RAB6B: variants seen among roughly 807,000 people sequenced by gnomAD.
RAB6B encodes the protein RAB6B, member RAS oncogene family.
A neutral mutation model predicts 31.2 loss-of-function variants in RAB6B; 7 were observed. The ratio of observed to expected loss-of-function variants is 0.22; its 90% CI spans 0.13 to 0.42. The LOEUF (loss-of-function observed/expected upper bound fraction) is 0.42, where lower values mean the gene tolerates loss of function less well. Ranked by LOEUF, RAB6B falls within the 10% of genes least tolerant of loss-of-function variation. RAB6B has a pLI of 1.00. For missense variants in RAB6B, 149 were observed against 280.6 expected, an observed-to-expected ratio of 0.53 and a Z score of 3.35; for synonymous variants, 105 against 104.9, an observed-to-expected ratio of 1.00 and a Z score of -0.01.
chr3:133,852,348 C>A (rs754441111), intron 2 of RAB6B, among the ~76,000 whole-genome samples: 1 of 152,176 alleles, frequency 6.6e-6, no homozygotes, highest in Non-Finnish European at 1.5e-5. Context: ...GGGTCTGTAT[C>A]ACAAATCATC....
chr3:133,872,458 C>T (rs1357405540), intron 1 of RAB6B, among the ~76,000 whole-genome samples: 1 of 152,266 alleles, frequency 6.6e-6, no homozygotes, highest in African/African-American at 2.4e-5. Context: ...TGAGGTACGG[C>T]CCCCAGGCCC....
At chr3:133,888,261 C>A (rs1936581769) in intron 1 of RAB6B, among the ~76,000 whole-genome samples, 1 of 152,224 alleles carries the variant, frequency 6.6e-6, no homozygotes, top group Non-Finnish European at 1.5e-5. Context: ...GAGCCTCTGC[C>A]TCCTGACCCA....
At chr3:133,857,415 C>G (rs558101973) in intron 2 of RAB6B, among the ~76,000 whole-genome samples, 1 of 125,278 alleles carries the variant, frequency 8.0e-6, no homozygotes. Context: ...ACCTAGGCCT[C>G]TTTTTGAAGG....
intron 2 of RAB6B, among the ~76,000 whole-genome samples, chr3:133,853,443 G>A (rs1008932196): frequency 6.6e-5 from 10 of 151,584 alleles, no homozygotes; most frequent in Middle Eastern, 3.4e-3. Flanking sequence ...CGCTCCACAG[G>A]CCCTTGGGAT....
intron 6 of RAB6B, among the ~76,000 whole-genome samples, chr3:133,835,440 GT>G (rs1358903300): frequency 1.3e-5 from 2 of 151,026 alleles, no homozygotes; most frequent in East Asian, 3.9e-4. Flanking sequence ...TGTGTCCTTG[GT>G]AAGGTGTGTG....
rs1470873342 is a variant in RAB6B at position 133,831,669 on chromosome 3, T to A, written c.563-2817A>T. On this transcript the variant is annotated intron_variant, in intron 7 of 7. Transcript: ENST00000285208. Reference sequence around the variant, plus strand: ...TGACTGGACCCATGTCTAAATAATGTCCCAGAAGGGGAAACTCACGGTTTC... The same window carrying A: ...TGACTGGACCCATGTCTAAATAATGACCCAGAAGGGGAAACTCACGGTTTC... 2.6e-5 allele frequency among the ~76,000 whole-genome samples: 4 copies of A among 152,160 alleles called. No homozygotes were observed. In the South Asian group the frequency reaches 6.2e-4, roughly 24 times the overall value.
At chr3:133,882,580 G>A (rs557180279) in intron 1 of RAB6B, among the ~76,000 whole-genome samples, 7 of 152,296 alleles carry the variant, frequency 4.6e-5, no homozygotes, top group South Asian at 2.1e-4. Context: ...AGACTAAAGC[G>A]CTCCTAGCTG....
chr3:133,887,122 A>C (rs1192406460), intron 1 of RAB6B, among the ~76,000 whole-genome samples: 1 of 152,148 alleles, frequency 6.6e-6, no homozygotes, highest in Non-Finnish European at 1.5e-5. Flanking sequence ...CTGCCCTCCC[A>C]GCTTACCCCT....
intron 1 of RAB6B, among the ~76,000 whole-genome samples, chr3:133,889,388 T>A (rs1197110552): frequency 2.5e-5 from 2 of 80,274 alleles, no homozygotes; most frequent in African/African-American, 9.6e-5. Context: ...GGTTATTTTG[T>A]TATATATATA....
At position 133,839,622 on chromosome 3, in the gene RAB6B, A is replaced by T. The variant is rs1362732114; in HGVS notation, c.290-5T>A. ...TCTGTTGGAAGGAGTTGAGATCTGG[A>T]GGCAGAAAGTGAGGATAAACTGAAA... On this transcript the variant is annotated splice_region_variant and splice_polypyrimidine_tract_variant and intron_variant, in intron 4 of 7. Coordinates refer to ENST00000285208, the MANE Select transcript of RAB6B (RefSeq NM_016577.4). 6.2e-7 allele frequency: 1 copy of T among 1,604,940 alleles called. No homozygotes were observed. Among genetic ancestry groups the T allele is most frequent in the Non-Finnish European group, 8.5e-7 (1 of 1,171,614 alleles).
intron 2 of RAB6B, among the ~76,000 whole-genome samples, chr3:133,846,745 T>C (rs954771998): frequency 7.2e-5 from 11 of 152,208 alleles, no homozygotes; most frequent in Admixed American, 5.2e-4. Context: ...AGTTGATTTA[T>C]CATCAGAAAC....
chr3:133,838,370 G>T, intron 5 of RAB6B, 111 bp from the exon 6 acceptor site: 1 of 949,478 alleles, frequency 1.1e-6, no homozygotes, highest in Non-Finnish European at 1.7e-6. Flanking sequence ...CCCTTGGTCA[G>T]TCCTGAAGAC....
At chr3:133,877,737 T>C (rs1348276025) in intron 1 of RAB6B, among the ~76,000 whole-genome samples, 1 of 148,776 alleles carries the variant, frequency 6.7e-6, no homozygotes, top group South Asian at 2.1e-4. Flanking sequence ...GAAATAGTTA[T>C]TATATATTAT....
intron 1 of RAB6B, among the ~76,000 whole-genome samples, chr3:133,870,513 G>A (rs1936304420): frequency 6.6e-6 from 1 of 152,172 alleles, no homozygotes; most frequent in Non-Finnish European, 1.5e-5. Flanking sequence ...ATGGGGAGGA[G>A]AGCAGGGTAC....
intron 6 of RAB6B, among the ~76,000 whole-genome samples, chr3:133,834,910 A>G (rs1197263325): frequency 1.3e-5 from 2 of 152,228 alleles, no homozygotes; most frequent in Admixed American, 6.5e-5. Flanking sequence ...CCATAGGGTC[A>G]CTGGGATGAG....
intron 1 of RAB6B, among the ~76,000 whole-genome samples, chr3:133,886,954 A>G (rs1196732759): frequency 6.7e-6 from 1 of 149,988 alleles, no homozygotes; most frequent in African/African-American, 2.5e-5. Context: ...CACCAACACC[A>G]TCCATTCAGC....
Position 133,895,726 on chromosome 3 carries a change from G to A in RAB6B, c.-260C>T. ...TGCTGCGGTCGGCACTGGCTGCGGTGCGAGGGGCGCGCTCTTTACGCCCGA... is the reference window on the plus strand; with the variant it reads ...TGCTGCGGTCGGCACTGGCTGCGGTACGAGGGGCGCGCTCTTTACGCCCGA... On this transcript the variant is annotated 5_prime_UTR_variant, in exon 1 of 8. Coordinates refer to ENST00000285208, the MANE Select transcript of RAB6B (RefSeq NM_016577.4). 1 of 495,202 alleles carries A rather than the reference G, an allele frequency of 2.0e-6. No homozygotes were observed. Among genetic ancestry groups the A allele is most frequent in the East Asian group, 3.6e-5 (1 of 27,836 alleles). The allele number at this position is 495,202 out of a possible 1,614,324, so 30.7% of individuals were successfully genotyped here. A position where few individuals can be genotyped will look rare whatever the true frequency, so the allele number is the denominator to read the frequency against.
chr3:133,849,855 A>C lies in RAB6B; in HGVS notation c.130-8192T>G, dbSNP rs9289456. Among the ~76,000 whole-genome samples the C allele has an allele frequency of 1.5e-3, 231 of 152,342 alleles. 2 individuals carry two copies. The highest frequency in any genetic ancestry group is 1.4e-3 in the South Asian group (7 of 4,828). The stretch of plus-strand genomic sequence containing the variant: ...AGAAAAGTCAGCTCTCTAAGGACAG[A>C]ATAGAAACAAGAACTTTTAAGAGGG... On this transcript the variant is annotated intron_variant, in intron 2 of 7. Transcript: ENST00000285208.
chr3:133,875,916 G>A (rs116972477), intron 1 of RAB6B, among the ~76,000 whole-genome samples: 3 of 152,204 alleles, frequency 2.0e-5, no homozygotes. Flanking sequence ...CGTGTGGAGG[G>A]AGAGGCAGTA....
Sources: allele counts gnomAD v4.1 joint callset (sites outside exome capture counted in the v4.1 genomes callset), GRCh38; gene constraint gnomAD v4.1.1; transcripts MANE v1.5; gene names NCBI Gene and HGNC (gene_info 2026-07-23, HGNC 2026-07-21).